KCNMB2: variants seen among roughly 807,000 people sequenced by gnomAD.
KCNMB2 encodes calcium-activated potassium channel subunit beta-2.
A neutral mutation model predicts 24.5 loss-of-function variants in KCNMB2; 9 were observed. That is an observed-to-expected ratio of 0.37 (90% confidence interval 0.22 to 0.64). The LOEUF is 0.64. Ranked by LOEUF, KCNMB2 falls within the 30% of genes least tolerant of loss-of-function variation. The probability of loss-of-function intolerance (pLI) is 0.63; values close to 1 mark genes in which losing one functional copy is unlikely to be tolerated. For missense variants in KCNMB2, 226 were observed against 284.3 expected (o/e 0.79, Z 1.47); for synonymous variants, 109 against 104.4 (o/e 1.04, Z -0.27).
At chr3:178,760,141 T>G (rs185933880) in intron 1 of KCNMB2, among the ~76,000 whole-genome samples, 2 of 31,246 alleles carry the variant, frequency 6.4e-5, no homozygotes, top group Non-Finnish European at 1.0e-4. Flanking sequence ...TATATATATA[T>G]CCAAGAGGAT....
chr3:178,731,044 G>A (rs1259184144), intron 1 of KCNMB2, among the ~76,000 whole-genome samples: 4 of 151,320 alleles, frequency 2.6e-5, no homozygotes, highest in Non-Finnish European at 4.4e-5. Flanking sequence ...AGAGACATAC[G>A]ATATACAACC....
intron 1 of KCNMB2, among the ~76,000 whole-genome samples, chr3:178,643,833 C>T (rs1194831924): frequency 1.3e-5 from 2 of 152,208 alleles, no homozygotes; most frequent in African/African-American, 2.4e-5. Context: ...GATACCACTT[C>T]CCAGTTCTCA....
chr3:178,635,643 T>C (rs1026395739), intron 1 of KCNMB2, among the ~76,000 whole-genome samples: 11 of 152,216 alleles, frequency 7.2e-5, no homozygotes, highest in African/African-American at 2.4e-4. Context: ...CGGTTTTCTG[T>C]GTCATAGTCC....
At chr3:178,729,717 T>C (rs763054781) in intron 1 of KCNMB2, among the ~76,000 whole-genome samples, 1 of 152,194 alleles carries the variant, frequency 6.6e-6, no homozygotes, top group Non-Finnish European at 1.5e-5. Flanking sequence ...TCTCAGCTTG[T>C]TAATTGTATG....
At chr3:178,593,372 A>AG (rs1169356545) in intron 1 of KCNMB2, among the ~76,000 whole-genome samples, 2 of 152,134 alleles carry the variant, frequency 1.3e-5, no homozygotes, top group African/African-American at 4.8e-5. Context: ...GGACTAATCA[A>AG]ATGAAATGCA....
At chr3:178,634,662 C>T (rs1719447989) in intron 1 of KCNMB2, among the ~76,000 whole-genome samples, 1 of 152,078 alleles carries the variant, frequency 6.6e-6, no homozygotes, top group South Asian at 2.1e-4. Flanking sequence ...AAAACCATAT[C>T]ACACGGTTTG....
chr3:178,664,374 T>C (rs990855350), intron 1 of KCNMB2, among the ~76,000 whole-genome samples: 1 of 152,156 alleles, frequency 6.6e-6, no homozygotes, highest in Non-Finnish European at 1.5e-5. Context: ...TTTACAGTAA[T>C]CTGGGTGAAA....
At chr3:178,647,313 G>A (rs930889215) in intron 1 of KCNMB2, among the ~76,000 whole-genome samples, 1 of 152,134 alleles carries the variant, frequency 6.6e-6, no homozygotes, top group Admixed American at 6.6e-5. Flanking sequence ...TTACCTGTGT[G>A]CTTTTTTCCA....
At chr3:178,792,534 C>G (rs1373027735) in intron 1 of KCNMB2, among the ~76,000 whole-genome samples, 1 of 151,938 alleles carries the variant, frequency 6.6e-6, no homozygotes, top group African/African-American at 2.4e-5. Flanking sequence ...AACCAGAAAG[C>G]AAGCAATAAA....
intron 1 of KCNMB2, among the ~76,000 whole-genome samples, chr3:178,713,640 C>G (rs1238132277): frequency 6.6e-6 from 1 of 152,142 alleles, no homozygotes; most frequent in African/African-American, 2.4e-5. Flanking sequence ...ACCCCACCCC[C>G]ATAGGTATGG....
chr3:178,553,495 C>T (rs1400469243), intron 1 of KCNMB2, among the ~76,000 whole-genome samples: 1 of 150,742 alleles, frequency 6.6e-6, no homozygotes, highest in Admixed American at 6.6e-5. Context: ...TGAGGAATGT[C>T]ACTCAGCACT....
chr3:178,554,870 A>C (rs2108458448), intron 1 of KCNMB2, among the ~76,000 whole-genome samples: 1 of 152,338 alleles, frequency 6.6e-6, no homozygotes, highest in African/African-American at 2.4e-5. Flanking sequence ...TTGTAAGGAC[A>C]TGGGTCTCTG....
chr3:178,719,790 CAT>C (rs375458942), intron 1 of KCNMB2, among the ~76,000 whole-genome samples: 4 of 152,042 alleles, frequency 2.6e-5, no homozygotes, highest in East Asian at 1.9e-4. Flanking sequence ...TTTTAATACA[CAT>C]AGTGTGTCAT....
intron 1 of KCNMB2, among the ~76,000 whole-genome samples, chr3:178,541,463 A>C (rs977558782): frequency 6.6e-6 from 1 of 152,208 alleles, no homozygotes; most frequent in Non-Finnish European, 1.5e-5. Context: ...TAATCAGTTA[A>C]TACAATCAAT....
chr3:178,562,051 C>T (rs1716335155), intron 1 of KCNMB2, among the ~76,000 whole-genome samples: 1 of 152,178 alleles, frequency 6.6e-6, no homozygotes, highest in African/African-American at 2.4e-5. Context: ...TGAACAAATA[C>T]AGTTTCTAGT....
At chr3:178,617,983 C>T (rs1006987646) in intron 1 of KCNMB2, among the ~76,000 whole-genome samples, 1 of 151,358 alleles carries the variant, frequency 6.6e-6, no homozygotes, top group South Asian at 2.1e-4. Context: ...GTAGATATGC[C>T]TATAGACAAA....
intron 1 of KCNMB2, among the ~76,000 whole-genome samples, chr3:178,616,239 C>T (rs1258004025): frequency 6.6e-6 from 1 of 152,190 alleles, no homozygotes; most frequent in African/African-American, 2.4e-5. Flanking sequence ...GTCATTAGGA[C>T]TCACGTAAGA....
At chr3:178,752,967 A>G (rs1023924524) in intron 1 of KCNMB2, among the ~76,000 whole-genome samples, 3 of 152,064 alleles carry the variant, frequency 2.0e-5, no homozygotes, top group African/African-American at 7.2e-5. Context: ...CCGAAATACT[A>G]TGGGCCCCAA....
At chr3:178,730,403 A>ACCCC (rs1395897447) in intron 1 of KCNMB2, among the ~76,000 whole-genome samples, 2 of 78,392 alleles carry the variant, frequency 2.6e-5, no homozygotes, top group African/African-American at 1.1e-4. Context: ...CTGTCCCCCA[A>ACCCC]CACCCCCCCA....
Sources: allele counts gnomAD v4.1 joint callset (sites outside exome capture counted in the v4.1 genomes callset), GRCh38; gene constraint gnomAD v4.1.1; transcripts MANE v1.5; gene names NCBI Gene and HGNC (gene_info 2026-07-23, HGNC 2026-07-21).